ANKRD36C: variants seen among roughly 807,000 people sequenced by gnomAD.
The protein encoded by ANKRD36C is ankyrin repeat domain-containing protein 36C.
ANKRD36C carries 61 observed loss-of-function variants against 276.4 expected under a neutral mutation model. That is an observed-to-expected ratio of 0.22 (90% CI 0.18 to 0.27). ANKRD36C has a LOEUF of 0.27. Among genes scored for constraint, ANKRD36C ranks in the 10% least tolerant of loss-of-function variants. The pLI is 1.00. For missense variants in ANKRD36C, 1,447 were observed against 2,032.3 expected (o/e 0.71, Z 5.54); for synonymous variants, 483 against 680.1 (o/e 0.71, Z 4.51).
At chr2:95,965,277 A>G (rs1191106744) in intron 6 of ANKRD36C, among the ~76,000 whole-genome samples, 1 of 151,946 alleles carries the variant, frequency 6.6e-6, no homozygotes, top group Admixed American at 6.6e-5. Context: ...ACAGCTTTAC[A>G]GGGTGTTTTT....
chr2:95,857,216 T>G, intron 62 of ANKRD36C, 93 bp downstream of exon 82: 1 of 1,461,704 alleles, frequency 6.8e-7, no homozygotes, highest in Non-Finnish European at 9.1e-7. Flanking sequence ...TTGGGGATTG[T>G]TCAGGCCTAA....
intron 44 of ANKRD36C, chr2:95,893,601 G>A: frequency 1.3e-6 from 2 of 1,582,696 alleles, no homozygotes; most frequent in Non-Finnish European, 1.7e-6. Context: ...CTCGTCACCT[G>A]TAGCCTGAAT....
chr2:95,865,242 G>A (rs890787646), intron 60 of ANKRD36C, among the ~76,000 whole-genome samples: 9 of 151,834 alleles, frequency 5.9e-5, no homozygotes, highest in Non-Finnish European at 1.2e-4. Flanking sequence ...CTTTATTGAG[G>A]AGTAGATTCG....
chr2:95,856,510 A>T (rs1370973842), intron 62 of ANKRD36C, among the ~76,000 whole-genome samples: 1 of 152,154 alleles, frequency 6.6e-6, no homozygotes, highest in Non-Finnish European at 1.5e-5. Flanking sequence ...ACCACATTAA[A>T]AAATTGGGTT....
chr2:95,986,026 A>G (rs1349324831), intron 3 of ANKRD36C, among the ~76,000 whole-genome samples: 2 of 152,058 alleles, frequency 1.3e-5, no homozygotes, highest in Non-Finnish European at 2.9e-5. Flanking sequence ...TTCACTGCCA[A>G]CCTGGTTTCC....
chr2:95,918,136 T>C (rs1483696339), intron 34 of ANKRD36C, 94 bp from the exon 37 acceptor site: 10 of 1,522,948 alleles, frequency 6.6e-6, no homozygotes, highest in Non-Finnish European at 8.9e-7. Flanking sequence ...TGTATCCTTC[T>C]GCCTGTACTA....
intron 52 of ANKRD36C, among the ~76,000 whole-genome samples, chr2:95,885,064 A>G (rs1361429856): frequency 1.3e-5 from 2 of 152,034 alleles, no homozygotes; most frequent in African/African-American, 2.4e-5. Context: ...TAAAAATATC[A>G]TCAATTATCA....
intron 44 of ANKRD36C, among the ~76,000 whole-genome samples, chr2:95,892,185 A>C (rs920530396): frequency 6.6e-6 from 1 of 151,568 alleles, no homozygotes; most frequent in African/African-American, 2.4e-5. Flanking sequence ...CAACTCATAC[A>C]CGTGAGAATA....
chr2:95,890,982 G>A (rs374597518), intron 46 of ANKRD36C, among the ~76,000 whole-genome samples: 12 of 151,376 alleles, frequency 7.9e-5, no homozygotes, highest in African/African-American at 2.7e-4. Flanking sequence ...AACAAAATAC[G>A]TATCTCTGAT....
chr2:95,913,936 T>G (rs1435335388), intron 40 of ANKRD36C, among the ~76,000 whole-genome samples, 172 bp downstream of exon 42: 2 of 151,506 alleles, frequency 1.3e-5, no homozygotes, highest in Non-Finnish European at 3.0e-5. Flanking sequence ...GCGAAGATGA[T>G]GTTCCAGACC....
chr2:95,948,136 A>T (rs1678102439), intron 17 of ANKRD36C, among the ~76,000 whole-genome samples: 1 of 152,222 alleles, frequency 6.6e-6, no homozygotes, highest in Non-Finnish European at 1.5e-5. Context: ...ATCTGATGTA[A>T]CAAAGATTCA....
At chr2:95,989,589 C>A (rs963599645) in intron 1 of ANKRD36C, among the ~76,000 whole-genome samples, 19 of 151,778 alleles carry the variant, frequency 1.3e-4, no homozygotes, top group African/African-American at 4.6e-4. Flanking sequence ...AGGGGTTTTC[C>A]AAATACATTG....
chr2:95,872,082 C>T (rs1675826844), intron 59 of ANKRD36C, among the ~76,000 whole-genome samples: 2 of 147,212 alleles, frequency 1.4e-5, no homozygotes, highest in East Asian at 2.0e-4. Context: ...ACTTTAACAT[C>T]CCACTGTCAA....
chr2:95,857,417 TCTTAA>T lies in ANKRD36C; in HGVS notation c.3967_3971del (p.Leu1323AsnfsTer7). The T allele has an allele frequency of 1.2e-6, 2 of 1,609,174 alleles. No homozygotes were observed. The highest frequency in any genetic ancestry group is 1.7e-6 in the Non-Finnish European group (2 of 1,178,834). On this transcript the variant is annotated frameshift_variant, in exon 62 of 67. Transcript: ENST00000456556. LOFTEE classifies it high-confidence loss of function. ...CTATCCTATATTGCTCTTCTGTGAT[TCTTAA>T]CTTTTCCCTAACTTTTTGGTGCAAC... is the stretch of plus-strand genomic sequence containing the variant.
chr2:95,908,141 G>T (rs1350521267), intron 42 of ANKRD36C, among the ~76,000 whole-genome samples: 1 of 149,806 alleles, frequency 6.7e-6, no homozygotes, highest in Non-Finnish European at 1.5e-5. Flanking sequence ...GTCTTTTCTT[G>T]GCAGTACGAT....
exon 3 of ANKRD36C, chr2:95,986,891 G>C (rs1437325293): frequency 6.2e-7 from 1 of 1,612,292 alleles, no homozygotes; most frequent in South Asian, 1.1e-5. Flanking sequence ...TGCAGCAGAA[G>C]AGTTGCACAA....
At chr2:95,910,515 A>G (rs768746687) in intron 42 of ANKRD36C, 25 bp downstream of exon 45, 4 of 1,605,870 alleles carry the variant, frequency 2.5e-6, no homozygotes, top group Non-Finnish European at 3.4e-6. Flanking sequence ...TAACTCGTTC[A>G]CAATATAAAT....
intron 44 of ANKRD36C, among the ~76,000 whole-genome samples, chr2:95,896,912 A>T (rs1676567299): frequency 6.7e-6 from 1 of 148,588 alleles, no homozygotes; most frequent in Admixed American, 6.7e-5. Flanking sequence ...TTTTCTTGGC[A>T]GTACGATCTG....
intron 50 of ANKRD36C, among the ~76,000 whole-genome samples, chr2:95,887,508 G>A (rs1175176385): frequency 6.6e-6 from 1 of 151,354 alleles, no homozygotes; most frequent in Non-Finnish European, 1.5e-5. Flanking sequence ...GGTCTCCTTA[G>A]TTCTCATTCT....
Sources: allele counts gnomAD v4.1 joint callset (sites outside exome capture counted in the v4.1 genomes callset), GRCh38; gene constraint gnomAD v4.1.1; transcripts MANE v1.5; gene names NCBI Gene and HGNC (gene_info 2026-07-23, HGNC 2026-07-21).